TMEM116: variants seen among roughly 807,000 people sequenced by gnomAD.
TMEM116 encodes the protein transmembrane protein 116.
In TMEM116, 38 loss-of-function variants were observed where a neutral mutation model predicts 44.3. The ratio of observed to expected loss-of-function variants is 0.86; its 90% CI spans 0.66 to 1.12. TMEM116 has a LOEUF of 1.12. TMEM116 is among the 50% of genes most tolerant of loss of function. The pLI is 0.00. For missense variants in TMEM116, 354 were observed against 401.7 expected (o/e 0.88, Z 1.01); for synonymous variants, 132 against 144.8 (o/e 0.91, Z 0.64).
intron 3 of TMEM116, among the ~76,000 whole-genome samples, chr12:112,001,495 G>A (rs1258808390): frequency 1.3e-5 from 2 of 152,160 alleles, no homozygotes; most frequent in Admixed American, 1.3e-4. Context: ...ATTGTTTGAA[G>A]AAATTTTTGG....
chr12:111,991,627 T>A (rs2076606300), intron 4 of TMEM116, 131 bp downstream of exon 4: 3 of 888,738 alleles, frequency 3.4e-6, no homozygotes, highest in Non-Finnish European at 4.7e-6. Flanking sequence ...TGAAAAAAGA[T>A]AAAAGCTATT....
At chr12:111,973,963 T>G (rs1344235363) in intron 4 of TMEM116, among the ~76,000 whole-genome samples, 1 of 151,956 alleles carries the variant, frequency 6.6e-6, no homozygotes, top group Non-Finnish European at 1.5e-5. Context: ...TATATAAAAA[T>G]AATACATCAC....
intron 3 of TMEM116, chr12:112,000,805 T>C: frequency 1.9e-6 from 1 of 522,482 alleles, no homozygotes; most frequent in Non-Finnish European, 3.9e-6. Context: ...CTCATCACAG[T>C]TGTTACAGAT....
At chr12:111,954,001 C>T (rs2073916593) in intron 4 of TMEM116, among the ~76,000 whole-genome samples, 1 of 152,068 alleles carries the variant, frequency 6.6e-6, no homozygotes. Context: ...CATTTAATTA[C>T]ACATCAGTAT....
intron 1 of TMEM116, among the ~76,000 whole-genome samples, chr12:112,007,868 C>CCACT (rs2077662195): frequency 1.3e-5 from 2 of 152,178 alleles, no homozygotes; most frequent in Non-Finnish European, 2.9e-5. Context: ...ATTTACTTTT[C>CCACT]AGTTTTTCTA....
At chr12:111,978,493 CAT>C (rs2075784440) in intron 4 of TMEM116, among the ~76,000 whole-genome samples, 1 of 152,132 alleles carries the variant, frequency 6.6e-6, no homozygotes, top group Non-Finnish European at 1.5e-5. Context: ...AGATATACCA[CAT>C]GTTATGGACT....
Position 111,932,614 on chromosome 12 carries a change from T to C in TMEM116, c.779A>G (p.Lys260Arg). 1 of 1,614,190 alleles carries C rather than the reference T, an allele frequency of 6.2e-7. No homozygotes were observed. The highest frequency in any genetic ancestry group is 8.5e-7 in the Non-Finnish European group (1 of 1,180,012). ...GAGAACATAAAGGGCCATGTGAAGC[T>C]TGGTGTCCTGTGGCTTAGTCAGCTT... ...IIKLTKPQDT[K>R]LHMALYVLQA... Residue 260 changes from lysine (K) to arginine (R), a missense_variant, in exon 10 of 11, where the codon AAG (lysine) becomes AGG (arginine). Coordinates refer to ENST00000552374, the MANE Select transcript of TMEM116 (RefSeq NM_001193531.2).
rs904526200 is a variant in TMEM116, at chr12:111,966,856, G to C, written c.211-23487C>G. Among the ~76,000 whole-genome samples, 6 of 152,294 alleles carry C rather than the reference G, an allele frequency of 3.9e-5. No homozygotes were observed. The East Asian group carries it at 9.6e-4, about 24-fold the overall frequency. On this transcript the variant is annotated intron_variant, in intron 4 of 10. Transcript: ENST00000552374. The stretch of plus-strand genomic sequence containing the variant: ...TCTAGGACATTTCCAAACCAATTTT[G>C]GGAGAAAGAGGCTCTAATGCCTTAA...
chr12:111,955,799 C>A (rs1481400517), intron 4 of TMEM116, among the ~76,000 whole-genome samples: 1 of 152,126 alleles, frequency 6.6e-6, no homozygotes, highest in Non-Finnish European at 1.5e-5. Context: ...TATGCAAATG[C>A]TTACCATTGT....
chr12:111,935,447 T>C (rs2072068014), intron 8 of TMEM116: 1 of 152,066 alleles, frequency 6.6e-6, no homozygotes. Flanking sequence ...GAATATACAC[T>C]GAAACCTGGG....
At position 111,965,112 on chromosome 12, in the gene TMEM116, C is replaced by T. The variant is rs185207760; in HGVS notation, c.211-21743G>A. Reference sequence around the variant, plus strand: ...TCAGGTGACTGGTTTTCTTTCTTTACTGTGACTCTCCAAAAGTCTAGGACC... The same window carrying T: ...TCAGGTGACTGGTTTTCTTTCTTTATTGTGACTCTCCAAAAGTCTAGGACC... On this transcript the variant is annotated intron_variant, in intron 4 of 10. Transcript: ENST00000552374. 2.6e-5 allele frequency among the ~76,000 whole-genome samples: 4 copies of T among 152,278 alleles called. No individual in the cohort carries two copies. The East Asian group carries it at 7.7e-4, about 29-fold the overall frequency.
chr12:111,938,538 A>G (rs1029164646), intron 5 of TMEM116, among the ~76,000 whole-genome samples: 6 of 152,232 alleles, frequency 3.9e-5, no homozygotes. Context: ...ATGAAATCAT[A>G]TAGTAACCCT....
At chr12:111,943,236 A>C in intron 5 of TMEM116, 29 bp downstream of exon 5, 1 of 1,555,218 alleles carries the variant, frequency 6.4e-7, no homozygotes, top group Non-Finnish European at 8.9e-7. Flanking sequence ...GCATACTATT[A>C]TTAACTATCA....
In TMEM116 at chr12:112,013,071, G is replaced by A. The variant is rs544315167; in HGVS notation, c.-103C>T. 1.1e-5 allele frequency: 2 copies of A among 184,636 alleles called. No homozygotes were observed. The highest frequency in any genetic ancestry group is 4.8e-4 in the Middle Eastern group (1 of 2,098). The allele number at this position is 184,636 out of a possible 1,614,324, so 11.4% of individuals were successfully genotyped here. On this transcript the variant is annotated 5_prime_UTR_variant, in exon 1 of 11. Coordinates refer to ENST00000552374, the MANE Select transcript of TMEM116 (RefSeq NM_001193531.2). The stretch of plus-strand genomic sequence containing the variant: ...GCAGGAAGAAACGATGGTAGGCCTT[G>A]TCATCTTCGAAGGAGAGGAAGGACA...
At chr12:111,939,634 G>A (rs1038265636) in intron 5 of TMEM116, among the ~76,000 whole-genome samples, 8 of 147,516 alleles carry the variant, frequency 5.4e-5, no homozygotes, top group South Asian at 4.3e-4. Context: ...CTCCTACTCC[G>A]CCCATCTCTA....
chr12:112,003,939 T>A lies in TMEM116; in HGVS notation c.15-76A>T, dbSNP rs57268901. On this transcript the variant is annotated intron_variant, in intron 2 of 10. Transcript: ENST00000552374. Reference sequence around the variant, plus strand: ...ATCGTTTTTGTTATTAATTTTGGGTTTTTTTTACAGTTTTATTGGCATAAT... The same window carrying A: ...ATCGTTTTTGTTATTAATTTTGGGTATTTTTTACAGTTTTATTGGCATAAT... 2.8e-6 allele frequency: 4 copies of A among 1,418,744 alleles called. No individual in the cohort carries two copies. In the African/African-American group the frequency reaches 6.0e-5, roughly 21 times the overall value. The allele number at this position is 1,418,744 out of a possible 1,614,324, so 87.9% of individuals were successfully genotyped here.
chr12:111,949,683 C>T (rs941749671), intron 4 of TMEM116, among the ~76,000 whole-genome samples: 1 of 152,096 alleles, frequency 6.6e-6, no homozygotes, highest in Admixed American at 6.5e-5. Context: ...TAGACTGTGG[C>T]CCTGAGGAAT....
chr12:111,933,932 T>C lies in TMEM116; in HGVS notation c.687A>G (p.Gln229=), dbSNP rs755721624. The change falls in exon 9 of 11, where the codon CAA becomes CAG. Residue 229 remains glutamine (Q), a synonymous_variant. Transcript: ENST00000552374. ...EQWAVIHIVD[Q]RVRFYPVAFF... ...AGGCCACTGGGTAGAAGCGCACCCG[T>C]TGGTCCACAATGTGAATCACTGCCC... The C allele has an allele frequency of 6.2e-7, 1 of 1,614,156 alleles. No individual in the cohort carries two copies. The highest frequency in any genetic ancestry group is 8.5e-7 in the Non-Finnish European group (1 of 1,180,018).
chr12:111,999,000 A>G (rs2077082750), intron 3 of TMEM116, among the ~76,000 whole-genome samples: 1 of 152,182 alleles, frequency 6.6e-6, no homozygotes, highest in Admixed American at 6.5e-5. Context: ...TTAACTGAGT[A>G]CCTATTATTG....
Sources: allele counts gnomAD v4.1 joint callset (sites outside exome capture counted in the v4.1 genomes callset), GRCh38; gene constraint gnomAD v4.1.1; transcripts MANE v1.5; gene names NCBI Gene and HGNC (gene_info 2026-07-23, HGNC 2026-07-21).